Variants in CEACAM21 observed in about 807,000 individuals in gnomAD.
CEACAM21 encodes CEA cell adhesion molecule 21.
Under a neutral mutation model 33.2 loss-of-function variants are expected in CEACAM21, and 38 were observed. The observed-to-expected ratio is 1.14, with a 90% CI of 0.88 to 1.50. CEACAM21 has a LOEUF of 1.50. Ranked by LOEUF, CEACAM21 falls within the 40% of genes most tolerant of loss-of-function variation. The pLI is 0.00. For synonymous variants in CEACAM21, 156 were observed against 143.0 expected (o/e 1.09, Z -0.65); for missense variants, 385 against 364.6 (o/e 1.06, Z -0.46).
At position 41,584,394 on chromosome 19, in the gene CEACAM21, C is replaced by A. The variant is rs782631269; in HGVS notation, c.748C>A (p.Leu250Ile). The A allele has an allele frequency of 1.1e-5, 17 of 1,611,312 alleles. No individual in the cohort carries two copies. Among genetic ancestry groups the A allele is most frequent in the Non-Finnish European group, 1.4e-5 (16 of 1,178,662 alleles). ...CCTGATCGGGGTCCTGGTTGGGAGT[C>A]TTCTGGTGGCTGCACTTGTGTGTTT... ...GILIGVLVGS[L>I]LVAALVCFLL... The change falls in exon 4 of 7, where the codon CTT becomes ATT. Residue 250 changes from leucine to isoleucine, a missense_variant. By Grantham distance (5) the Leu-to-Ile change is conservative (BLOSUM62 2). Coordinates refer to ENST00000401445, the MANE Select transcript of CEACAM21 (RefSeq NM_001098506.4).
At position 41,584,458 on chromosome 19, in the gene CEACAM21, C is replaced by A. The variant is rs782362815; in HGVS notation, c.797+15C>A. 16 of 1,592,026 alleles carry A rather than the reference C, an allele frequency of 1.0e-5. No individual in the cohort carries two copies. In the South Asian group the frequency reaches 1.7e-4, roughly 17 times the overall value. ...AAAACTGGCAGGTACCACAGCTTTT[C>A]CCCATTCTGCTCCCATCCTTCACGC... On this transcript the variant is annotated intron_variant, in intron 4 of 6. Transcript: ENST00000401445.
In CEACAM21 at chr19:41,577,527, T is replaced by G. The variant is rs544630410; in HGVS notation, c.392T>G (p.Ile131Ser). The G allele has an allele frequency of 3.7e-6, 6 of 1,614,012 alleles. No individual in the cohort carries two copies. Among genetic ancestry groups the G allele is most frequent in the Non-Finnish European group, 5.1e-6 (6 of 1,179,994 alleles). Residue 131 changes from isoleucine to serine, a missense_variant, in exon 2 of 7, where the codon ATT (isoleucine) becomes AGT (serine). By Grantham distance (142) the Ile-to-Ser change is moderately radical. Transcript: ENST00000401445. ...CAAGTCACATACAGAAATTCTCAGATTGAACAGGCATCTCACCATCTCCGT... is the reference window on the plus strand; with the variant it reads ...CAAGTCACATACAGAAATTCTCAGAGTGAACAGGCATCTCACCATCTCCGT... ...NLQVTYRNSQIEQASHHLRVY... is the reference protein window; with the variant it reads ...NLQVTYRNSQSEQASHHLRVY...
upstream of CEACAM21, among the ~76,000 whole-genome samples, chr19:41,572,001 G>A (rs192326879): frequency 2.5e-3 from 373 of 151,492 alleles, 1 homozygote; most frequent in African/African-American, 8.7e-3. Context: ...TGGGAAAAGT[G>A]ATTCTCTACT....
At position 41,576,259 on chromosome 19, in the gene CEACAM21, G is replaced by A. The variant is rs2042934078; in HGVS notation, c.-16G>A. The A allele has an allele frequency of 6.2e-7, 1 of 1,613,838 alleles. No homozygotes were observed. The highest frequency in any genetic ancestry group is 8.5e-7 in the Non-Finnish European group (1 of 1,179,886). ...GCTCCTCTCCACAGAGGAGGACAGA[G>A]CAGGCAGCAGAGACCATGGGGCCCC... is the stretch of plus-strand genomic sequence containing the variant. On this transcript the variant is annotated 5_prime_UTR_variant, in exon 1 of 7. Coordinates refer to ENST00000401445, the MANE Select transcript of CEACAM21 (RefSeq NM_001098506.4).
At chr19:41,557,901 G>A (rs79019202) in intron 1 of CEACAM21, among the ~76,000 whole-genome samples, 70 of 152,282 alleles carry the variant, frequency 4.6e-4, no homozygotes, top group African/African-American at 1.7e-3. Flanking sequence ...ATATGGAAAT[G>A]GGCTCAGGGT....
At position 41,576,339 on chromosome 19, in the gene CEACAM21, G is replaced by A; in HGVS notation, c.64+1G>A. On this transcript the variant is annotated splice_donor_variant, in intron 1 of 6. Transcript: ENST00000401445. LOFTEE classifies it high-confidence loss of function. The stretch of plus-strand genomic sequence containing the variant: ...CCCTGGCAGGGGCTCTTGCTCACAG[G>A]TGAGGGGAGGACTCCCTGGGAGTGG... 6.2e-7 allele frequency: 1 copy of A among 1,609,614 alleles called. No individual in the cohort carries two copies. Among genetic ancestry groups the A allele is most frequent in the Non-Finnish European group, 8.5e-7 (1 of 1,177,558 alleles).
upstream of CEACAM21, among the ~76,000 whole-genome samples, chr19:41,572,955 G>T (rs2042705977): frequency 6.6e-6 from 1 of 152,170 alleles, no homozygotes; most frequent in African/African-American, 2.4e-5. Context: ...GGCCCCTCCA[G>T]ATCTTCTCCC....
intron 6 of CEACAM21, 93 bp from the exon 7 acceptor site, chr19:41,586,371 G>C: frequency 1.6e-6 from 1 of 611,688 alleles, no homozygotes; most frequent in Non-Finnish European, 3.1e-6. Context: ...GCCAGGTTCA[G>C]TCCCAGAGTA....
chr19:41,580,362 A>G (rs1250140791), intron 3 of CEACAM21, among the ~76,000 whole-genome samples: 1 of 152,118 alleles, frequency 6.6e-6, no homozygotes, highest in Non-Finnish European at 1.5e-5. Context: ...TGCACCGTAC[A>G]TCAGCTAGGT....
intron 1 of CEACAM21, among the ~76,000 whole-genome samples, chr19:41,558,131 C>T (rs1037849194): frequency 6.6e-6 from 1 of 152,156 alleles, no homozygotes; most frequent in Non-Finnish European, 1.5e-5. Context: ...CCTACCTTTA[C>T]AACTATTATA....
chr19:41,573,450 C>T (rs1288986051), upstream of CEACAM21, among the ~76,000 whole-genome samples: 3 of 152,204 alleles, frequency 2.0e-5, no homozygotes, highest in Non-Finnish European at 2.9e-5. Context: ...GAGCCCTGCT[C>T]CTCCCAACCA....
At chr19:41,573,235 G>T (rs1230645999), upstream of CEACAM21, among the ~76,000 whole-genome samples, 6 of 152,206 alleles carry the variant, frequency 3.9e-5, no homozygotes, top group African/African-American at 7.2e-5. Context: ...CCTCCCTGCT[G>T]CAGGACAGCA....
At position 41,586,821 on chromosome 19, in the gene CEACAM21, G is replaced by T. The variant is rs1555795852; in HGVS notation, c.*358G>T. The T allele has an allele frequency of 1.6e-5, 4 of 249,520 alleles. No individual in the cohort carries two copies. The South Asian group carries it at 1.8e-4, about 11-fold the overall frequency. The allele number at this position is 249,520 out of a possible 1,614,324, so 15.5% of individuals were successfully genotyped here. ...ACCCGGGGTCACCTGGAAAGGATCT[G>T]AATAAAGGGGAAACTTCCTCTCATT... On this transcript the variant is annotated 3_prime_UTR_variant, in exon 7 of 7. Transcript: ENST00000401445.
chr19:41,576,109 C>T, upstream of CEACAM21: 1 of 697,332 alleles, frequency 1.4e-6, no homozygotes, highest in East Asian at 2.9e-5. Context: ...ACATTGTAGG[C>T]AGAGCCCCGC....
At chr19:41,572,891 G>T (rs2042702184), upstream of CEACAM21, among the ~76,000 whole-genome samples, 1 of 152,198 alleles carries the variant, frequency 6.6e-6, no homozygotes, top group South Asian at 2.1e-4. Flanking sequence ...CTCAGCACCT[G>T]ATAGTGGTGC....
At chr19:41,569,067 A>G (rs2042436023) in intron 2 of CEACAM21, among the ~76,000 whole-genome samples, 1 of 152,230 alleles carries the variant, frequency 6.6e-6, no homozygotes, top group Non-Finnish European at 1.5e-5. Flanking sequence ...AAGATAGCTT[A>G]AAAATTTTAG....
Position 41,585,430 on chromosome 19 carries a change from T to C in CEACAM21, c.798-13T>C. 1 of 1,613,798 alleles carries C rather than the reference T, an allele frequency of 6.2e-7. No homozygotes were observed. The highest frequency in any genetic ancestry group is 8.5e-7 in the Non-Finnish European group (1 of 1,179,762). On this transcript the variant is annotated splice_polypyrimidine_tract_variant and intron_variant, in intron 4 of 6. Coordinates refer to ENST00000401445, the MANE Select transcript of CEACAM21 (RefSeq NM_001098506.4). ...AACCTTGCACCTTCACAAATAACCC[T>C]GACCTTTCCTAGGGCCAGCGATCAG...
chr19:41,569,518 G>A (rs1380512823), intron 2 of CEACAM21, among the ~76,000 whole-genome samples: 13 of 152,124 alleles, frequency 8.5e-5, no homozygotes, highest in Admixed American at 2.6e-4. Flanking sequence ...CGGGGGGCGG[G>A]TTGGGGAAGG....
At chr19:41,554,026 G>A (rs1474931807) in intron 1 of CEACAM21, among the ~76,000 whole-genome samples, 2 of 151,988 alleles carry the variant, frequency 1.3e-5, no homozygotes, top group African/African-American at 2.4e-5. Flanking sequence ...ATCGTTAAAA[G>A]CTGTCAATAG....
Sources: gnomAD v4.1 joint callset for allele counts (sites outside exome capture counted in the v4.1 genomes callset) on GRCh38, gnomAD v4.1.1 for gene constraint, MANE v1.5 for transcripts, NCBI Gene and HGNC (gene_info 2026-07-23, HGNC 2026-07-21) for gene names.